GRID2: variants seen among roughly 807,000 people sequenced by gnomAD.
GRID2 encodes glutamate ionotropic receptor delta type subunit 2, also known as glutamate receptor ionotropic, delta-2.
Under a neutral mutation model 114.8 loss-of-function variants are expected in GRID2, and 33 were observed. The observed-to-expected ratio is 0.29, with a 90% confidence interval of 0.22 to 0.38. The LOEUF is 0.38. Ranked by LOEUF, GRID2 falls within the 10% of genes least tolerant of loss-of-function variation. The probability of loss-of-function intolerance (pLI) is 1.00; values close to 1 mark genes in which losing one functional copy is unlikely to be tolerated. For synonymous variants in GRID2, 505 were observed against 449.9 expected (o/e 1.12, Z -1.55); for missense variants, 1,184 against 1,257.7 (o/e 0.94, Z 0.89).
intron 1 of GRID2, among the ~76,000 whole-genome samples, chr4:92,415,684 GTGTATGTGTGTGTGCATGCGCA>G (rs1731560419): frequency 6.8e-6 from 1 of 148,048 alleles, no homozygotes; most frequent in Non-Finnish European, 1.5e-5. Context: ...TCCATGGCGT[GTGTATGTGTGTGTGCATGCGCA>G]TGTATGTGTG....
intron 13 of GRID2, among the ~76,000 whole-genome samples, chr4:93,625,158 A>T (rs1742588023): frequency 6.6e-6 from 1 of 152,214 alleles, no homozygotes; most frequent in Non-Finnish European, 1.5e-5. Flanking sequence ...CACATGCAAG[A>T]TGATACCTAT....
intron 4 of GRID2, among the ~76,000 whole-genome samples, chr4:93,142,447 C>T (rs187570416): frequency 8.5e-5 from 13 of 152,138 alleles, no homozygotes; most frequent in Admixed American, 7.2e-4. Flanking sequence ...ATATGGCAGA[C>T]GGGGTGAACA....
At chr4:93,099,500 C>T (rs1488885116) in intron 3 of GRID2, among the ~76,000 whole-genome samples, 1 of 151,478 alleles carries the variant, frequency 6.6e-6, no homozygotes, top group Non-Finnish European at 1.5e-5. Flanking sequence ...AATCAGAGAC[C>T]TAGATATGCA....
At chr4:93,725,365 T>C (rs938530570) in intron 14 of GRID2, among the ~76,000 whole-genome samples, 1 of 152,222 alleles carries the variant, frequency 6.6e-6, no homozygotes, top group South Asian at 2.1e-4. Context: ...TGCCACATTT[T>C]CTTAATCCAG....
rs377043525 is a variant in GRID2, at chr4:93,240,500, A to G, written c.1245+2010A>G. On this transcript the variant is annotated intron_variant, in intron 8 of 15. Coordinates refer to ENST00000282020, the MANE Select transcript of GRID2 (RefSeq NM_001510.4). ...TTATAATTGATTTTAGAAGTTATGTATATATTCTGAATTTTAGTGTTTTAT... is the reference window on the plus strand; with the variant it reads ...TTATAATTGATTTTAGAAGTTATGTGTATATTCTGAATTTTAGTGTTTTAT... 8.3e-4 allele frequency among the ~76,000 whole-genome samples: 124 copies of G among 150,112 alleles called. No individual in the cohort carries two copies. In the South Asian group the frequency reaches 0.012, roughly 14 times the overall value.
intron 1 of GRID2, among the ~76,000 whole-genome samples, chr4:92,585,124 T>C (rs1198062346): frequency 6.6e-6 from 1 of 151,936 alleles, no homozygotes; most frequent in Non-Finnish European, 1.5e-5. Context: ...TCTCTGTGTT[T>C]AGGAAAGATT....
chr4:93,674,146 A>T (rs1017829140), intron 14 of GRID2, among the ~76,000 whole-genome samples: 4 of 152,156 alleles, frequency 2.6e-5, no homozygotes, highest in Non-Finnish European at 5.9e-5. Context: ...GCTAGGTGTT[A>T]TACTCTGAAG....
chr4:92,415,780 A>ATATATC (rs1317733752), intron 1 of GRID2, among the ~76,000 whole-genome samples: 1 of 115,086 alleles, frequency 8.7e-6, no homozygotes, highest in Non-Finnish European at 1.8e-5. Context: ...ATATATATAT[A>ATATATC]TCACATTTTC....
At chr4:93,010,078 A>G (rs202129978) in intron 2 of GRID2, among the ~76,000 whole-genome samples, 1 of 152,068 alleles carries the variant, frequency 6.6e-6, no homozygotes, top group East Asian at 1.9e-4. Flanking sequence ...TGGAAAGGAG[A>G]AGAGTCAAGC....
chr4:92,370,428 G>A (rs370414677), intron 1 of GRID2, among the ~76,000 whole-genome samples: 4 of 151,974 alleles, frequency 2.6e-5, no homozygotes, highest in African/African-American at 9.7e-5. Context: ...GAGGCGGGCG[G>A]ATCACGAGGT....
At chr4:92,464,759 A>C (rs1331994889) in intron 1 of GRID2, among the ~76,000 whole-genome samples, 1 of 152,168 alleles carries the variant, frequency 6.6e-6, no homozygotes, top group African/African-American at 2.4e-5. Flanking sequence ...GATTTATAAA[A>C]GATAGCAATT....
Position 93,762,151 on chromosome 4 carries a change from G to T in GRID2, c.2361-7059G>T, listed in dbSNP as rs543194191. Among the ~76,000 whole-genome samples, 785 of 152,116 alleles carry T rather than the reference G, an allele frequency of 5.2e-3. 4 individuals are homozygous for T. The highest frequency in any genetic ancestry group is 0.027 in the Middle Eastern group (8 of 294). On this transcript the variant is annotated intron_variant, in intron 14 of 15. Transcript: ENST00000282020. ...GAGAGGAAAATTTTGTGAAAACCCA[G>T]AAAATGAATTTAATAATGTGGATAT...
At chr4:93,553,421 A>G (rs1733980109) in intron 13 of GRID2, among the ~76,000 whole-genome samples, 1 of 152,138 alleles carries the variant, frequency 6.6e-6, no homozygotes, top group East Asian at 1.9e-4. Context: ...CCTCTTGTAT[A>G]TCTGTAACTG....
chr4:92,711,191 A>T (rs1244056554), intron 2 of GRID2, among the ~76,000 whole-genome samples: 2 of 152,248 alleles, frequency 1.3e-5, no homozygotes, highest in East Asian at 3.9e-4. Context: ...TTTAAAATGA[A>T]GTATGTATTC....
At chr4:93,502,554 C>CCT (rs1310016442) in intron 12 of GRID2, among the ~76,000 whole-genome samples, 3 of 151,858 alleles carry the variant, frequency 2.0e-5, no homozygotes, top group African/African-American at 7.3e-5. Flanking sequence ...CTTTCCCTAG[C>CCT]CTCTCCATCA....
chr4:92,370,438 T>C (rs1055149553), intron 1 of GRID2, among the ~76,000 whole-genome samples: 2 of 151,756 alleles, frequency 1.3e-5, no homozygotes, highest in Admixed American at 1.3e-4. Flanking sequence ...GATCACGAGG[T>C]CAGGAGTTCA....
At chr4:93,021,769 ATAT>A (rs1723373262) in intron 2 of GRID2, among the ~76,000 whole-genome samples, 1 of 146,042 alleles carries the variant, frequency 6.8e-6, no homozygotes, top group Admixed American at 6.9e-5. Context: ...GAATATTATA[ATAT>A]TTACAATATG....
chr4:92,633,164 T>A (rs983240724), intron 2 of GRID2, among the ~76,000 whole-genome samples: 2 of 151,652 alleles, frequency 1.3e-5, no homozygotes, highest in African/African-American at 4.8e-5. Context: ...TCTGAGCATA[T>A]AATAAGTGCT....
chr4:93,478,240 A>G (rs550153790), intron 11 of GRID2, among the ~76,000 whole-genome samples: 2 of 152,122 alleles, frequency 1.3e-5, no homozygotes, highest in Admixed American at 6.6e-5. Flanking sequence ...AGTTATAGCA[A>G]TTGGCACTTA....
Sources: gnomAD v4.1 joint callset for allele counts (sites outside exome capture counted in the v4.1 genomes callset) on GRCh38, gnomAD v4.1.1 for gene constraint, MANE v1.5 for transcripts, NCBI Gene and HGNC (gene_info 2026-07-23, HGNC 2026-07-21) for gene names.